Variants in ARHGAP8 observed in about 807,000 individuals in gnomAD.
ARHGAP8 encodes Rho GTPase activating protein 8.
ARHGAP8 carries 62 observed loss-of-function variants against 46.1 expected under a neutral mutation model. The observed-to-expected ratio is 1.34, with a 90% CI of 1.10 to 1.66. The LOEUF is 1.66. Among genes scored for constraint, ARHGAP8 ranks in the 40% most tolerant of loss-of-function variants. ARHGAP8 has a pLI of 0.00. For synonymous variants in ARHGAP8, 375 were observed against 243.1 expected (o/e 1.54, Z -5.05); for missense variants, 923 against 568.4 (o/e 1.62, Z -6.34).
At chr22:44,755,972 T>A (rs932993195) in intron 1 of ARHGAP8, among the ~76,000 whole-genome samples, 1 of 152,198 alleles carries the variant, frequency 6.6e-6, no homozygotes, top group Non-Finnish European at 1.5e-5. Flanking sequence ...AATGAGTTAA[T>A]GCATGAGAAG....
At chr22:44,801,399 TG>T (rs1382154620) in intron 2 of ARHGAP8, among the ~76,000 whole-genome samples, 1 of 126,714 alleles carries the variant, frequency 7.9e-6, no homozygotes. Context: ...TGTCCATGTG[TG>T]GGGGGCGCCC....
intron 2 of ARHGAP8, among the ~76,000 whole-genome samples, chr22:44,800,341 A>G (rs149857036): frequency 0.071 from 10,781 of 151,888 alleles, 434 homozygotes; most frequent in African/African-American, 0.091. Flanking sequence ...CCTGACCTCA[A>G]GTGATCTGCC....
chr22:44,856,520 C>T (rs527426510), intron 10 of ARHGAP8, among the ~76,000 whole-genome samples: 31 of 152,168 alleles, frequency 2.0e-4, no homozygotes, highest in South Asian at 8.3e-4. Flanking sequence ...GTGATCCATC[C>T]GTCTCGGCCT....
chr22:44,844,081 C>T (rs2069896611), intron 7 of ARHGAP8, among the ~76,000 whole-genome samples: 2 of 152,176 alleles, frequency 1.3e-5, no homozygotes, highest in African/African-American at 4.8e-5. Context: ...AAGTGATTCT[C>T]CTGCCTCAGC....
rs865889338 is a variant in ARHGAP8 at position 44,825,407 on chromosome 22, T to C, written c.486-76T>C. ...GCCCAGGTGTCCTGCAGGTGGGGCA[T>C]CCAGCCCCACCCAGCGCCTCCGTGG... is the stretch of plus-strand genomic sequence containing the variant. On this transcript the variant is annotated intron_variant, in intron 6 of 11. Coordinates refer to ENST00000356099, the MANE Select transcript of ARHGAP8 (RefSeq NM_181335.3). 37 of 1,485,550 alleles carry C rather than the reference T, an allele frequency of 2.5e-5. No homozygotes were observed. In the African/African-American group the frequency reaches 4.8e-4, roughly 19 times the overall value. The allele number at this position is 1,485,550 out of a possible 1,614,324, so 92.0% of individuals were successfully genotyped here. A position where few individuals can be genotyped will look rare whatever the true frequency, so the allele number is the denominator to read the frequency against.
intron 10 of ARHGAP8, among the ~76,000 whole-genome samples, chr22:44,851,861 G>C (rs759359864): frequency 6.6e-6 from 1 of 151,796 alleles, no homozygotes; most frequent in Non-Finnish European, 1.5e-5. Flanking sequence ...AATGATGGAG[G>C]GAGGGAGGGA....
intron 5 of ARHGAP8, 74 bp from the exon 6 acceptor site, chr22:44,822,297 C>G: frequency 7.6e-7 from 1 of 1,316,402 alleles, no homozygotes; most frequent in Non-Finnish European, 1.0e-6. Context: ...GCCAACTCCC[C>G]CTCCCTCCCT....
At chr22:44,809,078 C>G in intron 4 of ARHGAP8, 1 of 467,426 alleles carries the variant, frequency 2.1e-6, no homozygotes, top group East Asian at 7.0e-5. Context: ...ACCTCAGCCT[C>G]CCAAAGTACT....
chr22:44,801,575 G>A (rs1365953017), intron 2 of ARHGAP8, among the ~76,000 whole-genome samples: 1 of 152,182 alleles, frequency 6.6e-6, no homozygotes, highest in African/African-American at 2.4e-5. Flanking sequence ...ATGGTGACCC[G>A]GGCCATAATG....
At chr22:44,790,168 C>T (rs1237598329) in intron 2 of ARHGAP8, among the ~76,000 whole-genome samples, 1 of 152,028 alleles carries the variant, frequency 6.6e-6, no homozygotes, top group Non-Finnish European at 1.5e-5. Flanking sequence ...AGAATGATGA[C>T]GGCAGCTACT....
At position 44,852,048 on chromosome 22, in the gene ARHGAP8, G is replaced by C. The variant is rs2070107329; in HGVS notation, c.877+2988G>C. On this transcript the variant is annotated intron_variant, in intron 10 of 11. Coordinates refer to ENST00000356099, the MANE Select transcript of ARHGAP8 (RefSeq NM_181335.3). ...TCCACTAAAAATACAAAAATTAGCT[G>C]GGCGTGGTGGTGGACACCTGTAATC... Among the ~76,000 whole-genome samples, 3 of 151,796 alleles carry C rather than the reference G, an allele frequency of 2.0e-5. No individual in the cohort carries two copies. In the South Asian group the frequency reaches 6.3e-4, roughly 32 times the overall value.
chr22:44,786,736 C>T (rs911232207), intron 2 of ARHGAP8, 130 bp downstream of exon 2: 1 of 1,348,126 alleles, frequency 7.4e-7, no homozygotes, highest in Non-Finnish European at 1.0e-6. Flanking sequence ...TAATTAGAGC[C>T]AGGTGCAGTG....
rs182171793 is a variant in ARHGAP8, at chr22:44,832,057, A to T, written c.596+6464A>T. On this transcript the variant is annotated intron_variant, in intron 7 of 11. Coordinates refer to ENST00000356099, the MANE Select transcript of ARHGAP8 (RefSeq NM_181335.3). ...GTAGACCAATTTTGAGGGTATTGCC[A>T]TCTTGAAAATAGTAGTCTTCCAATC... is the stretch of plus-strand genomic sequence containing the variant. 8.1e-4 allele frequency among the ~76,000 whole-genome samples: 124 copies of T among 152,226 alleles called. 1 individual carries two copies. The highest frequency in any genetic ancestry group is 1.7e-3 in the Admixed American group (26 of 15,280).
intron 5 of ARHGAP8, among the ~76,000 whole-genome samples, chr22:44,816,511 C>A (rs998947274): frequency 2.6e-5 from 4 of 152,144 alleles, no homozygotes; most frequent in Non-Finnish European, 5.9e-5. Flanking sequence ...GGTCCTTGGG[C>A]ACATCGAGAG....
intron 4 of ARHGAP8, 33 bp from the exon 5 acceptor site, chr22:44,814,639 C>T (rs1245371205): frequency 6.3e-7 from 1 of 1,597,902 alleles, no homozygotes; most frequent in Non-Finnish European, 8.5e-7. Context: ...CGGAGCGCGG[C>T]AGCCTGAAGT....
At chr22:44,805,162 G>A (rs1287042242) in intron 3 of ARHGAP8, among the ~76,000 whole-genome samples, 2 of 152,196 alleles carry the variant, frequency 1.3e-5, no homozygotes, top group Admixed American at 6.5e-5. Flanking sequence ...ATTTAGGCAC[G>A]GAAAGACCTG....
chr22:44,853,755 C>T (rs1009941788), intron 10 of ARHGAP8, among the ~76,000 whole-genome samples: 1 of 152,062 alleles, frequency 6.6e-6, no homozygotes, highest in Non-Finnish European at 1.5e-5. Flanking sequence ...GGGCCAGCTG[C>T]GGTGGTTCAC....
At chr22:44,779,257 C>G (rs188093298) in intron 1 of ARHGAP8, among the ~76,000 whole-genome samples, 1 of 151,988 alleles carries the variant, frequency 6.6e-6, no homozygotes, top group East Asian at 1.9e-4. Context: ...CCACCATCCA[C>G]GCCTGGCTAA....
intron 8 of ARHGAP8, among the ~76,000 whole-genome samples, chr22:44,847,689 C>G (rs1370262178): frequency 2.0e-5 from 3 of 152,140 alleles, no homozygotes; most frequent in Non-Finnish European, 2.9e-5. Flanking sequence ...CAGATAGGCT[C>G]AGAGAGGCCG....
Sources: allele counts gnomAD v4.1 joint callset (sites outside exome capture counted in the v4.1 genomes callset), GRCh38; gene constraint gnomAD v4.1.1; transcripts MANE v1.5; gene names NCBI Gene and HGNC (gene_info 2026-07-23, HGNC 2026-07-21).